The following DIAPH3 variants were observed in gnomAD, a reference collection of about 807,000 sequenced individuals.
The protein encoded by DIAPH3 is diaphanous related formin 3, also known as protein diaphanous homolog 3.
A neutral mutation model predicts 144.3 loss-of-function variants in DIAPH3; 117 were observed. That is an observed-to-expected ratio of 0.81 (90% CI 0.70 to 0.95). The LOEUF (loss-of-function observed/expected upper bound fraction) is 0.95, where lower values mean the gene tolerates loss of function less well. Ranked by LOEUF, DIAPH3 falls within the 40% of genes least tolerant of loss-of-function variation. The probability of loss-of-function intolerance (pLI) is 0.00; values close to 1 mark genes in which losing one functional copy is unlikely to be tolerated. For missense variants in DIAPH3, 1,421 were observed against 1,412.7 expected (o/e 1.01, Z -0.09); for synonymous variants, 519 against 488.9 (o/e 1.06, Z -0.81).
chr13:59,938,936 G>A (rs1420522505), intron 17 of DIAPH3, among the ~76,000 whole-genome samples: 2 of 152,098 alleles, frequency 1.3e-5, no homozygotes, highest in African/African-American at 2.4e-5. Flanking sequence ...GTTAAACATG[G>A]TTAAAACGGT....
At chr13:59,862,141 T>C (rs904438571) in intron 21 of DIAPH3, among the ~76,000 whole-genome samples, 1 of 152,064 alleles carries the variant, frequency 6.6e-6, no homozygotes, top group African/African-American at 2.4e-5. Flanking sequence ...TGGAGCAGCA[T>C]TTACAAGGGC....
chr13:59,857,172 G>A (rs2043305949), intron 22 of DIAPH3, among the ~76,000 whole-genome samples: 1 of 152,112 alleles, frequency 6.6e-6, no homozygotes. Context: ...TAGCAACAAA[G>A]AGGTTAACGT....
intron 20 of DIAPH3, among the ~76,000 whole-genome samples, chr13:59,883,396 C>T (rs956330129): frequency 3.3e-5 from 5 of 151,924 alleles, no homozygotes; most frequent in African/African-American, 1.2e-4. Flanking sequence ...TTTTTTCCCC[C>T]GTCCTACTAT....
At chr13:59,929,554 C>CTTTTTT (rs1167902415) in intron 17 of DIAPH3, among the ~76,000 whole-genome samples, 5 of 56,092 alleles carry the variant, frequency 8.9e-5, no homozygotes, top group African/African-American at 2.2e-4. Context: ...AAATTTTGTT[C>CTTTTTT]TTTTTTTTTT....
intron 27 of DIAPH3, among the ~76,000 whole-genome samples, chr13:59,723,334 C>CA (rs1384506121): frequency 1.3e-5 from 2 of 152,176 alleles, no homozygotes; most frequent in Non-Finnish European, 2.9e-5. Flanking sequence ...TGCAGGTGCC[C>CA]ATTCATTTCT....
intron 22 of DIAPH3, among the ~76,000 whole-genome samples, chr13:59,851,092 A>C (rs1365509518): frequency 6.6e-6 from 1 of 151,754 alleles, no homozygotes; most frequent in Non-Finnish European, 1.5e-5. Flanking sequence ...ATTTTAGACC[A>C]ATATCCTTGA....
intron 27 of DIAPH3, among the ~76,000 whole-genome samples, chr13:59,680,759 TATTA>T (rs958626350): frequency 6.6e-6 from 1 of 152,138 alleles, no homozygotes; most frequent in East Asian, 1.9e-4. Context: ...ATAATATGTT[TATTA>T]ATTAATTATT....
chr13:60,157,075 G>A (rs1218134045), intron 1 of DIAPH3, among the ~76,000 whole-genome samples: 1 of 150,966 alleles, frequency 6.6e-6, no homozygotes, highest in Non-Finnish European at 1.5e-5. Flanking sequence ...CTCCGGAGTA[G>A]GTGGGATTAC....
chr13:59,773,532 G>A (rs774198355), intron 27 of DIAPH3, among the ~76,000 whole-genome samples: 3 of 151,998 alleles, frequency 2.0e-5, no homozygotes, highest in Admixed American at 6.6e-5. Flanking sequence ...AGAACCCAAG[G>A]ACATAACACA....
chr13:59,784,152 G>A (rs565691238), intron 25 of DIAPH3, among the ~76,000 whole-genome samples: 1 of 150,420 alleles, frequency 6.6e-6, no homozygotes, highest in African/African-American at 2.4e-5. Flanking sequence ...GCGCGATCTC[G>A]GCTCACTACA....
intron 25 of DIAPH3, among the ~76,000 whole-genome samples, chr13:59,796,576 GA>G (rs1249837682): frequency 6.6e-6 from 1 of 152,214 alleles, no homozygotes; most frequent in Non-Finnish European, 1.5e-5. Flanking sequence ...ATTCATAAAT[GA>G]AAAGAGTTGT....
intron 2 of DIAPH3, among the ~76,000 whole-genome samples, chr13:60,130,880 G>C (rs2059120787): frequency 6.6e-6 from 1 of 152,106 alleles, no homozygotes; most frequent in Non-Finnish European, 1.5e-5. Flanking sequence ...GAAGGTCAGA[G>C]AAAGAACTAA....
At chr13:59,967,360 C>G (rs2050120084) in intron 17 of DIAPH3, among the ~76,000 whole-genome samples, 1 of 151,962 alleles carries the variant, frequency 6.6e-6, no homozygotes, top group South Asian at 2.1e-4. Context: ...CAGGCGGGAG[C>G]CATTGCACCC....
chr13:59,746,773 C>T (rs773114964), intron 27 of DIAPH3, among the ~76,000 whole-genome samples: 14 of 152,078 alleles, frequency 9.2e-5, no homozygotes, highest in Non-Finnish European at 2.1e-4. Flanking sequence ...CAGAAGCTGC[C>T]CACTTGCTTA....
At chr13:59,717,696 A>T (rs2138879581) in intron 27 of DIAPH3, among the ~76,000 whole-genome samples, 1 of 152,306 alleles carries the variant, frequency 6.6e-6, no homozygotes, top group African/African-American at 2.4e-5. Flanking sequence ...TTCCCATATA[A>T]CTGGAAATCC....
chr13:60,162,629 T>C (rs1952346283), intron 1 of DIAPH3, among the ~76,000 whole-genome samples: 2 of 152,210 alleles, frequency 1.3e-5, no homozygotes, highest in South Asian at 4.1e-4. Flanking sequence ...ATATATCTCA[T>C]GTATCAGAAT....
intron 4 of DIAPH3, among the ~76,000 whole-genome samples, chr13:60,085,312 C>T (rs1164375438): frequency 6.6e-6 from 1 of 152,056 alleles, no homozygotes; most frequent in Non-Finnish European, 1.5e-5. Flanking sequence ...TTGAAGCCAC[C>T]ATGACTAGAT....
At chr13:60,064,164 G>T (rs971268862) in intron 4 of DIAPH3, among the ~76,000 whole-genome samples, 1 of 152,208 alleles carries the variant, frequency 6.6e-6, no homozygotes, top group South Asian at 2.1e-4. Flanking sequence ...ATTCCTAAGG[G>T]CCCTAGGATT....
intron 27 of DIAPH3, among the ~76,000 whole-genome samples, chr13:59,702,721 C>T (rs980816822): frequency 2.0e-5 from 3 of 152,166 alleles, no homozygotes; most frequent in Admixed American, 6.5e-5. Flanking sequence ...TTCTTTATCT[C>T]TAGATAAACT....
Sources: gnomAD v4.1 joint callset for allele counts (sites outside exome capture counted in the v4.1 genomes callset) on GRCh38, gnomAD v4.1.1 for gene constraint, MANE v1.5 for transcripts, NCBI Gene and HGNC (gene_info 2026-07-23, HGNC 2026-07-21) for gene names.